Variants in CFAP77 observed in about 807,000 individuals in gnomAD.
CFAP77 encodes the protein cilia and flagella associated protein 77.
In CFAP77, 25 loss-of-function variants were observed where a neutral mutation model predicts 31.1. The ratio of observed to expected loss-of-function variants is 0.80; its 90% confidence interval spans 0.59 to 1.12. CFAP77 has a LOEUF of 1.12. CFAP77 is among the 50% of genes most tolerant of loss of function. The probability of loss-of-function intolerance (pLI) is 0.00; values close to 1 mark genes in which losing one functional copy is unlikely to be tolerated. For synonymous variants in CFAP77, 151 were observed against 159.9 expected (o/e 0.94, Z 0.42); for missense variants, 377 against 397.3 (o/e 0.95, Z 0.44).
chr9:132,498,720 G>C lies in CFAP77; in HGVS notation c.221G>C (p.Arg74Thr), dbSNP rs1448590539. Residue 74 changes from arginine (R) to threonine (T), a missense_variant, in exon 2 of 6, where the codon AGA becomes ACA. Physicochemically the swap from Arg to Thr is moderately conservative, Grantham distance 71 (BLOSUM62 -1). Transcript: ENST00000393216. This position sits in a 1 kb window ranked among gnomAD's most constrained non-coding sequence, Gnocchi z 4.2. The part of the protein sequence containing the change: ...VKAELGKPRE[R>T]SYSLPGINFN... The stretch of plus-strand genomic sequence containing the variant: ...GCTGAACTCGGCAAGCCCCGGGAAA[G>C]AAGCTACAGTCTGCCCGGCATTAAT... The C allele has an allele frequency of 2.5e-6, 4 of 1,612,360 alleles. No homozygotes were observed. Among genetic ancestry groups the C allele is most frequent in the Non-Finnish European group, 3.4e-6 (4 of 1,179,224 alleles).
Position 132,482,546 on chromosome 9 carries a change from A to G in CFAP77, c.196-16149A>G, listed in dbSNP as rs1421515930. The G allele has an allele frequency of 4.3e-6, 3 of 697,642 alleles. No individual in the cohort carries two copies. In the East Asian group the frequency reaches 8.1e-5, roughly 19 times the overall value. 43.2% of individuals were successfully genotyped at this position (697,642 alleles called of 1,614,324 possible). On this transcript the variant is annotated intron_variant, in intron 1 of 5. Coordinates refer to ENST00000393216, the MANE Select transcript of CFAP77 (RefSeq NM_001282957.2). ...GCTTCACCTCCATGGTCTCGTCTAA[A>G]TGTTGTCATTACGCCATGGGGTGGG...
intron 1 of CFAP77, among the ~76,000 whole-genome samples, chr9:132,435,248 T>C (rs1156587337): frequency 6.6e-6 from 1 of 151,920 alleles, no homozygotes; most frequent in Non-Finnish European, 1.5e-5. Flanking sequence ...AGAAAGCGAG[T>C]GGGCTAATGA....
chr9:132,572,522 C>A lies in CFAP77; in HGVS notation c.*12C>A, dbSNP rs566133803. On this transcript the variant is annotated 3_prime_UTR_variant, in exon 6 of 6. Transcript: ENST00000393216. ...ACACCCACCCCTAGCCCCTCCCTCC[C>A]CTGCCACAAGAAGCCATCTTGACAT... 48 of 1,599,340 alleles carry A rather than the reference C, an allele frequency of 3.0e-5. No homozygotes were observed. In the South Asian group the frequency reaches 4.6e-4, roughly 15 times the overall value.
rs1850905729 is a variant in CFAP77 at position 132,455,981 on chromosome 9, A to C, written c.196-42714A>C. On this transcript the variant is annotated intron_variant, in intron 1 of 5. Transcript: ENST00000393216. The surrounding 1 kb of genome is among the most constrained non-coding windows in gnomAD (Gnocchi z 4.1). ...CCACTCTTAGTTTTCCCTTCTCTAA[A>C]ATGAGGACAATTACACATTCCTGGT... Among the ~76,000 whole-genome samples, 1 of 152,172 alleles carries C rather than the reference A, an allele frequency of 6.6e-6. No individual in the cohort carries two copies. Among genetic ancestry groups the C allele is most frequent in the Non-Finnish European group, 1.5e-5 (1 of 68,040 alleles).
intron 1 of CFAP77, among the ~76,000 whole-genome samples, chr9:132,445,901 AAAAC>A (rs1397056867): frequency 6.6e-6 from 1 of 151,806 alleles, no homozygotes; most frequent in Non-Finnish European, 1.5e-5. Context: ...AAGAAAAAGA[AAAAC>A]AAAATAAATA....
rs779657192 is a variant in CFAP77 at position 132,572,552 on chromosome 9, G to GA, written c.*46dup. The GA allele has an allele frequency of 1.1e-5, 17 of 1,575,264 alleles. 1 individual carries two copies. The South Asian group carries it at 1.9e-4, about 18-fold the overall frequency. On this transcript the variant is annotated 3_prime_UTR_variant, in exon 6 of 6. Coordinates refer to ENST00000393216, the MANE Select transcript of CFAP77 (RefSeq NM_001282957.2). ...CACAAGAAGCCATCTTGACATAGTGGAAAATTCCCAGAAGGACTCCCTATC... is the reference window on the plus strand; with the variant it reads ...CACAAGAAGCCATCTTGACATAGTGGAAAAATTCCCAGAAGGACTCCCTATC...
At chr9:132,503,294 A>G (rs954641958) in intron 3 of CFAP77, among the ~76,000 whole-genome samples, 2 of 152,144 alleles carry the variant, frequency 1.3e-5, no homozygotes, top group African/African-American at 4.8e-5. Flanking sequence ...CTGTTCTCGC[A>G]GGCTGCCTGG....
chr9:132,524,895 G>A lies in CFAP77; in HGVS notation c.525-12706G>A, dbSNP rs998406876. ...GATCTCCTGACCTCATGATCCTCCC[G>A]CCTTGGCCTTCCAAAGTGCTGGGAT... On this transcript the variant is annotated intron_variant, in intron 3 of 5. Coordinates refer to ENST00000393216, the MANE Select transcript of CFAP77 (RefSeq NM_001282957.2). 6.7e-5 allele frequency among the ~76,000 whole-genome samples: 10 copies of A among 148,872 alleles called. 2 individuals are homozygous for A. The highest frequency in any genetic ancestry group is 1.0e-4 in the Non-Finnish European group (7 of 66,804).
chr9:132,440,387 G>T (rs570022458), intron 1 of CFAP77, among the ~76,000 whole-genome samples: 1 of 152,096 alleles, frequency 6.6e-6, no homozygotes, highest in South Asian at 2.1e-4. Context: ...CACATTGACC[G>T]AACAGTTTCT....
chr9:132,482,958 T>C (rs1186071618), intron 1 of CFAP77, among the ~76,000 whole-genome samples: 2 of 104,390 alleles, frequency 1.9e-5, no homozygotes, highest in Non-Finnish European at 3.5e-5. Flanking sequence ...ATAATAATAA[T>C]TTAAAAAAAA....
chr9:132,427,993 ATTCT>A (rs1299888883), intron 1 of CFAP77, among the ~76,000 whole-genome samples: 2 of 149,476 alleles, frequency 1.3e-5, no homozygotes, highest in African/African-American at 5.1e-5. Context: ...TGAGCATTAG[ATTCT>A]TTCTTTTTTT....
intron 3 of CFAP77, among the ~76,000 whole-genome samples, chr9:132,531,629 G>GC (rs980776606): frequency 1.8e-4 from 27 of 149,078 alleles, no homozygotes; most frequent in African/African-American, 5.5e-4. Flanking sequence ...AAGACATGGG[G>GC]GGGGGGGCAT....
At chr9:132,562,014 T>A (rs139500687) in intron 5 of CFAP77, among the ~76,000 whole-genome samples, 91 of 152,324 alleles carry the variant, frequency 6.0e-4, no homozygotes, top group African/African-American at 2.2e-3. Flanking sequence ...GAGGTGAATT[T>A]ACGCCCCCAT....
intron 1 of CFAP77, among the ~76,000 whole-genome samples, chr9:132,487,987 T>C (rs985024783): frequency 2.6e-5 from 4 of 152,224 alleles, no homozygotes; most frequent in African/African-American, 9.6e-5. Flanking sequence ...AAATGGTATG[T>C]GTGTGCCTAT....
chr9:132,521,778 T>TTTTTTTGTTTTTG (rs1554747344), intron 3 of CFAP77, among the ~76,000 whole-genome samples: 1 of 106,118 alleles, frequency 9.4e-6, no homozygotes, highest in African/African-American at 3.8e-5. Flanking sequence ...TTTTTTTTTT[T>TTTTTTTGTTTTTG]TTTTTTGAGA....
Position 132,490,887 on chromosome 9 carries a change from T to C in CFAP77, c.196-7808T>C, listed in dbSNP as rs895031928. 1.3e-5 allele frequency among the ~76,000 whole-genome samples: 2 copies of C among 152,202 alleles called. No individual in the cohort carries two copies. The highest frequency in any genetic ancestry group is 4.8e-5 in the African/African-American group (2 of 41,456). The stretch of plus-strand genomic sequence containing the variant: ...GGCCACTGTCTGCATGGCGTCTGCG[T>C]GTTCTCCCCGTGTCTGTGTGGGTTT... On this transcript the variant is annotated intron_variant, in intron 1 of 5. Coordinates refer to ENST00000393216, the MANE Select transcript of CFAP77 (RefSeq NM_001282957.2). This position sits in a 1 kb window ranked among gnomAD's most constrained non-coding sequence, Gnocchi z 4.6.
intron 1 of CFAP77, among the ~76,000 whole-genome samples, chr9:132,453,912 T>G (rs1436653825): frequency 1.3e-5 from 2 of 152,254 alleles, no homozygotes; most frequent in African/African-American, 4.8e-5. Context: ...GGAGGACATT[T>G]GTTTTAACAG....
At chr9:132,559,346 C>CAAAAAAAAAAAAAAAAAGAAAAAAA (rs1852958650) in intron 5 of CFAP77, among the ~76,000 whole-genome samples, 1 of 56,082 alleles carries the variant, frequency 1.8e-5, no homozygotes, top group Non-Finnish European at 3.2e-5. Flanking sequence ...CTCTGTCTTG[C>CAAAAAAAAAAAAAAAAAGAAAAAAA]AAAAAAAAAA....
intron 3 of CFAP77, among the ~76,000 whole-genome samples, chr9:132,522,369 A>AT (rs140529238): frequency 0.15 from 23,254 of 152,120 alleles, 2,142 homozygotes; most frequent in African/African-American, 0.25. Context: ...TGGGCAAGCC[A>AT]TTTGACCTCT....
Sources: gnomAD v4.1 joint callset for allele counts (sites outside exome capture counted in the v4.1 genomes callset) on GRCh38, gnomAD v4.1.1 for gene constraint, Gnocchi (gnomAD v3.1) non-coding constraint, MANE v1.5 for transcripts, NCBI Gene and HGNC (gene_info 2026-07-23, HGNC 2026-07-21) for gene names.